HDAC2: variants seen among roughly 807,000 people sequenced by gnomAD.
HDAC2 encodes histone deacetylase 2, also known as YY1-associated factor 1.
A neutral mutation model predicts 68.5 loss-of-function variants in HDAC2; 5 were observed. The observed-to-expected ratio is 0.07, with a 90% CI of 0.04 to 0.15. The LOEUF is 0.15. HDAC2 is among the 10% of genes least tolerant of loss of function. The pLI is 1.00. For synonymous variants in HDAC2, 182 were observed against 191.3 expected, an observed-to-expected ratio of 0.95 and a Z score of 0.40; for missense variants, 291 against 600.8, an observed-to-expected ratio of 0.48 and a Z score of 5.39.
At chr6:113,960,673 A>G (rs1349031881) in intron 1 of HDAC2, among the ~76,000 whole-genome samples, 3 of 152,096 alleles carry the variant, frequency 2.0e-5, no homozygotes, top group African/African-American at 7.2e-5. Flanking sequence ...AAACTTATGC[A>G]TAAGATTTAA....
At position 113,959,922 on chromosome 6, in the gene HDAC2, C is replaced by T; in HGVS notation, c.149G>A (p.Arg50Lys). 6.8e-7 allele frequency: 1 copy of T among 1,465,312 alleles called. No individual in the cohort carries two copies. Among genetic ancestry groups the T allele is most frequent in the Non-Finnish European group, 9.5e-7 (1 of 1,047,178 alleles). 90.8% of individuals were successfully genotyped at this position (1,465,312 alleles called of 1,614,324 possible). The change falls in exon 2 of 14, where the codon AGA becomes AAA. Residue 50 changes from arginine (R) to lysine (K), a missense_variant. This residue lies in a region of HDAC2 where 154 missense variants were observed against 472.1 expected (regional missense o/e 0.33). Coordinates refer to ENST00000519065, the MANE Select transcript of HDAC2 (RefSeq NM_001527.4). Reference protein sequence around the residue: ...HNLLLNYGLYRKMEIYRPHKA... With the variant: ...HNLLLNYGLYKKMEIYRPHKA... ...AATACTCACATATATTTCCATTTTT[C>T]TGTATAAGCCATAATTTAACAGCAA...
intron 1 of HDAC2, chr6:113,970,648 C>G: frequency 7.4e-7 from 1 of 1,351,192 alleles, no homozygotes; most frequent in Non-Finnish European, 9.4e-7. Context: ...CGGGCGGGCC[C>G]CCTGATTCCC....
chr6:113,968,096 T>A (rs2114624563), intron 1 of HDAC2, among the ~76,000 whole-genome samples: 1 of 152,324 alleles, frequency 6.6e-6, no homozygotes, highest in Admixed American at 6.5e-5. Context: ...ACAGCCTCAG[T>A]GGCAGACATT....
intron 9 of HDAC2, 30 bp downstream of exon 9, chr6:113,945,978 C>A: frequency 6.4e-7 from 1 of 1,570,552 alleles, no homozygotes; most frequent in South Asian, 1.1e-5. Flanking sequence ...ACAGTTCATA[C>A]AATAAAGATA....
At chr6:113,944,840 A>C (rs902382290) in intron 10 of HDAC2, among the ~76,000 whole-genome samples, 10 of 152,168 alleles carry the variant, frequency 6.6e-5, no homozygotes, top group African/African-American at 2.4e-4. Context: ...AGAAAACATA[A>C]GCACAAAGGC....
At chr6:113,954,820 G>C (rs548415006) in intron 5 of HDAC2, among the ~76,000 whole-genome samples, 1 of 152,228 alleles carries the variant, frequency 6.6e-6, no homozygotes, top group South Asian at 2.1e-4. Flanking sequence ...AGTAGAATCT[G>C]CTAAGATGTG....
chr6:113,959,536 T>C (rs1235397182), intron 2 of HDAC2: 1 of 153,386 alleles, frequency 6.5e-6, no homozygotes, highest in Non-Finnish European at 1.4e-5. Context: ...TATGTGTTAT[T>C]ATTTTGTAAC....
chr6:113,949,337 A>T (rs1448946881), intron 6 of HDAC2, 77 bp from the exon 7 acceptor site: 4 of 829,982 alleles, frequency 4.8e-6, no homozygotes, highest in Admixed American at 2.1e-5. Context: ...ACATTTTGAA[A>T]AGACTGAAAG....
rs139097820 is a variant in HDAC2, at chr6:113,942,997, G to C, written c.1378+354C>G. Among the ~76,000 whole-genome samples, 5 of 152,106 alleles carry C rather than the reference G, an allele frequency of 3.3e-5. No homozygotes were observed. The East Asian group carries it at 7.7e-4, about 24-fold the overall frequency. On this transcript the variant is annotated intron_variant, in intron 12 of 13. Transcript: ENST00000519065. Reference sequence around the variant, plus strand: ...GTTTTCTCCCATTAAATAAGCTTTAGGTAGCTAAAAATTACCTTAGAAGTT... The same window carrying C: ...GTTTTCTCCCATTAAATAAGCTTTACGTAGCTAAAAATTACCTTAGAAGTT...
intron 8 of HDAC2, 194 bp from the exon 9 acceptor site, chr6:113,946,342 A>C (rs1009133615): frequency 7.1e-6 from 3 of 420,068 alleles, no homozygotes; most frequent in African/African-American, 6.1e-5. Context: ...AATACATATT[A>C]AAAAATTAAG....
intron 5 of HDAC2, among the ~76,000 whole-genome samples, chr6:113,954,749 C>T (rs1311909631): frequency 6.6e-6 from 1 of 152,166 alleles, no homozygotes; most frequent in African/African-American, 2.4e-5. Flanking sequence ...AAAAGTCAGC[C>T]TCTATGGATA....
chr6:113,970,693 G>A, intron 1 of HDAC2, 164 bp downstream of exon 1: 1 of 1,360,970 alleles, frequency 7.3e-7, no homozygotes, highest in African/African-American at 1.5e-5. Context: ...GCCAGGAAGA[G>A]GGTCTCGTTC....
chr6:113,955,934 TA>T, intron 5 of HDAC2, 78 bp downstream of exon 5: 1 of 1,034,414 alleles, frequency 9.7e-7, no homozygotes, highest in Non-Finnish European at 1.4e-6. Context: ...TAATATTTTT[TA>T]AAGCCATAGA....
rs1776037468 is a variant in HDAC2 at position 113,937,787 on chromosome 6, A to T, written c.*3271T>A. On this transcript the variant is annotated 3_prime_UTR_variant, in exon 14 of 14. Coordinates refer to ENST00000519065, the MANE Select transcript of HDAC2 (RefSeq NM_001527.4). ...GAATACCCTAAGCCTAGAAGTTCTA[A>T]GATGTAGTGAGATATGATCAGGCTA... is the stretch of plus-strand genomic sequence containing the variant. The T allele has an allele frequency of 6.6e-6, 1 of 152,056 alleles. No individual in the cohort carries two copies. The highest frequency in any genetic ancestry group is 1.5e-5 in the Non-Finnish European group (1 of 68,000). The allele number at this position is 152,056 out of a possible 1,614,324, so 9.4% of individuals were successfully genotyped here.
chr6:113,958,909 C>G, intron 2 of HDAC2, 143 bp from the exon 3 acceptor site: 1 of 685,200 alleles, frequency 1.5e-6, no homozygotes, highest in East Asian at 2.6e-5. Flanking sequence ...AAAACTAACC[C>G]AAACTTATAT....
intron 8 of HDAC2, 134 bp downstream of exon 8, chr6:113,948,845 C>A: frequency 1.1e-6 from 1 of 883,998 alleles, no homozygotes; most frequent in Non-Finnish European, 1.7e-6. Context: ...ATACAACAGA[C>A]AAAACCCCAT....
Position 113,949,081 on chromosome 6 carries a change from A to T in HDAC2, c.739T>A (p.Ser247Thr). The T allele has an allele frequency of 1.2e-6, 2 of 1,613,498 alleles. No individual in the cohort carries two copies. The highest frequency in any genetic ancestry group is 1.7e-4 in the Middle Eastern group (1 of 6,056). ...GGTTGATACATCTCCATCACCTTTGAGATAATCTACACACAAGATAACAAA... is the reference window on the plus strand; with the variant it reads ...GGTTGATACATCTCCATCACCTTTGTGATAATCTACACACAAGATAACAAA... ...SYGQIFKPII[S>T]KVMEMYQPSA... Residue 247 changes from serine (S) to threonine (T), a missense_variant, in exon 8 of 14, where the codon TCA (serine) becomes ACA (threonine). By Grantham distance (58) the Ser-to-Thr change is moderately conservative. Transcript: ENST00000519065.
chr6:113,955,363 G>C (rs538134776), intron 5 of HDAC2, among the ~76,000 whole-genome samples: 1 of 151,944 alleles, frequency 6.6e-6, no homozygotes, highest in Admixed American at 6.6e-5. Context: ...ACAGGCGCAC[G>C]CCACCACGCC....
chr6:113,958,159 C>T (rs1467765436), intron 3 of HDAC2, among the ~76,000 whole-genome samples: 1 of 152,170 alleles, frequency 6.6e-6, no homozygotes, highest in Non-Finnish European at 1.5e-5. Context: ...TGTTACTAAT[C>T]TCTAAAAATA....
Sources: allele counts gnomAD v4.1 joint callset (sites outside exome capture counted in the v4.1 genomes callset), GRCh38; gene constraint gnomAD v4.1.1; regional missense constraint gnomAD v4.1.1; transcripts MANE v1.5; gene names NCBI Gene and HGNC (gene_info 2026-07-23, HGNC 2026-07-21).